The following CLSTN2 variants were observed in gnomAD, a reference collection of about 807,000 sequenced individuals.
CLSTN2 encodes the protein calsyntenin 2, also known as calsyntenin-2.
A neutral mutation model predicts 101.2 loss-of-function variants in CLSTN2; 48 were observed. The observed-to-expected ratio is 0.47, with a 90% CI of 0.38 to 0.60. CLSTN2 has a LOEUF of 0.60. CLSTN2 is among the 20% of genes least tolerant of loss of function. The pLI, the probability that CLSTN2 is intolerant of heterozygous loss-of-function variation, is 0.00. For synonymous variants in CLSTN2, 481 were observed against 463.6 expected, an observed-to-expected ratio of 1.04 and a Z score of -0.48; for missense variants, 1,160 against 1,238.2, an observed-to-expected ratio of 0.94 and a Z score of 0.95.
intron 1 of CLSTN2, among the ~76,000 whole-genome samples, chr3:140,105,253 C>T: frequency 6.6e-6 from 1 of 152,128 alleles, no homozygotes; most frequent in East Asian, 1.9e-4. Flanking sequence ...ATTCATATGC[C>T]TGTTTATAAC....
At chr3:140,353,901 A>T (rs896245429) in intron 2 of CLSTN2, among the ~76,000 whole-genome samples, 1 of 152,190 alleles carries the variant, frequency 6.6e-6, no homozygotes, top group African/African-American at 2.4e-5. Flanking sequence ...CAGAGGGACA[A>T]CGCCAAAATG....
chr3:140,371,101 G>T (rs2087851095), intron 2 of CLSTN2, among the ~76,000 whole-genome samples: 1 of 152,186 alleles, frequency 6.6e-6, no homozygotes, highest in Non-Finnish European at 1.5e-5. Flanking sequence ...CTCACTTCCA[G>T]AGGCAATGTG....
In CLSTN2 at chr3:140,127,219, T is replaced by A. The variant is rs145589929; in HGVS notation, c.110-48732T>A. Among the ~76,000 whole-genome samples the A allele has an allele frequency of 3.2e-3, 494 of 152,140 alleles. 2 individuals are homozygous for A. Among genetic ancestry groups the A allele is most frequent in the Non-Finnish European group, 3.6e-3 (246 of 68,002 alleles). ...ATCTGTGTTACTGACAGGCTGCAGA[T>A]CCCAGGTCCACTATTTATTAGGCAT... On this transcript the variant is annotated intron_variant, in intron 1 of 16. Coordinates refer to ENST00000458420, the MANE Select transcript of CLSTN2 (RefSeq NM_022131.3).
At chr3:140,127,142 A>G (rs1278820456) in intron 1 of CLSTN2, among the ~76,000 whole-genome samples, 1 of 152,102 alleles carries the variant, frequency 6.6e-6, no homozygotes, top group Non-Finnish European at 1.5e-5. Context: ...TTTTAGGGCC[A>G]GTCAGCTGAA....
chr3:140,240,380 A>G (rs1166119997), intron 2 of CLSTN2, among the ~76,000 whole-genome samples: 1 of 150,516 alleles, frequency 6.6e-6, no homozygotes, highest in African/African-American at 2.4e-5. Flanking sequence ...ACATGAACAA[A>G]AAAAAAAGTC....
chr3:139,998,328 C>T (rs1198738326), intron 1 of CLSTN2, among the ~76,000 whole-genome samples: 1 of 92,792 alleles, frequency 1.1e-5, no homozygotes, highest in Non-Finnish European at 2.0e-5. Context: ...AATAGTTCCC[C>T]CACATGCCTT....
chr3:140,146,927 T>TCAGC (rs377711928), intron 1 of CLSTN2, among the ~76,000 whole-genome samples: 48 of 152,374 alleles, frequency 3.2e-4, no homozygotes, highest in African/African-American at 1.1e-3. Context: ...TAGTATCTAT[T>TCAGC]CAGCACTAAG....
chr3:140,304,298 A>T (rs2087090009), intron 2 of CLSTN2, among the ~76,000 whole-genome samples: 1 of 152,188 alleles, frequency 6.6e-6, no homozygotes, highest in Non-Finnish European at 1.5e-5. Context: ...TTTGCGTCTT[A>T]GTTGGACAGC....
At chr3:140,140,186 A>T (rs908730854) in intron 1 of CLSTN2, among the ~76,000 whole-genome samples, 1 of 152,192 alleles carries the variant, frequency 6.6e-6, no homozygotes, top group African/African-American at 2.4e-5. Flanking sequence ...ACCTCTGTCT[A>T]GGCAGCCTAC....
At chr3:139,993,610 C>A (rs182721468) in intron 1 of CLSTN2, among the ~76,000 whole-genome samples, 1 of 152,178 alleles carries the variant, frequency 6.6e-6, no homozygotes, top group African/African-American at 2.4e-5. Context: ...CTCCATGCCC[C>A]ACCCTGCCAA....
intron 8 of CLSTN2, among the ~76,000 whole-genome samples, chr3:140,499,494 G>A (rs1203352682): frequency 6.6e-6 from 1 of 152,084 alleles, no homozygotes; most frequent in Middle Eastern, 3.2e-3. Flanking sequence ...TCTTTTTCTG[G>A]GCTGAGAATT....
chr3:140,436,176 A>G (rs2088685707), intron 5 of CLSTN2, among the ~76,000 whole-genome samples: 1 of 151,990 alleles, frequency 6.6e-6, no homozygotes. Context: ...TGTCCTAGAG[A>G]TTTTTCCCAA....
At chr3:140,356,223 G>A (rs781712976) in intron 2 of CLSTN2, among the ~76,000 whole-genome samples, 1 of 152,166 alleles carries the variant, frequency 6.6e-6, no homozygotes, top group South Asian at 2.1e-4. Flanking sequence ...AAAAGAAGAT[G>A]AGAATAGAAA....
intron 5 of CLSTN2, among the ~76,000 whole-genome samples, chr3:140,422,935 C>G (rs1294423212): frequency 1.3e-5 from 2 of 152,146 alleles, no homozygotes; most frequent in Non-Finnish European, 2.9e-5. Flanking sequence ...AAGAACTCAC[C>G]TTGTTTTGTT....
chr3:140,519,362 G>A (rs1934981826), intron 8 of CLSTN2, among the ~76,000 whole-genome samples: 3 of 152,156 alleles, frequency 2.0e-5, no homozygotes. Flanking sequence ...TGGGGTTCAG[G>A]TCCTGAATAT....
chr3:140,151,346 C>A lies in CLSTN2; in HGVS notation c.110-24605C>A, dbSNP rs1576446794. ...ACCTCTGGGAATAGTGGGAGAGAAGCTCTGAGCTAAAGGAAGGGGTGAAGA... is the reference window on the plus strand; with the variant it reads ...ACCTCTGGGAATAGTGGGAGAGAAGATCTGAGCTAAAGGAAGGGGTGAAGA... On this transcript the variant is annotated intron_variant, in intron 1 of 16. Coordinates refer to ENST00000458420, the MANE Select transcript of CLSTN2 (RefSeq NM_022131.3). Among the ~76,000 whole-genome samples, 5 of 152,060 alleles carry A rather than the reference C, an allele frequency of 3.3e-5. 1 individual carries two copies. In the Middle Eastern group the frequency reaches 0.017, roughly 517 times the overall value.
At chr3:140,346,291 A>G (rs1006375359) in intron 2 of CLSTN2, among the ~76,000 whole-genome samples, 2 of 152,246 alleles carry the variant, frequency 1.3e-5, no homozygotes, top group African/African-American at 4.8e-5. Context: ...CTTGCATATA[A>G]TAGCCCAAAC....
chr3:140,095,384 T>A (rs2008853389), intron 1 of CLSTN2, among the ~76,000 whole-genome samples: 1 of 152,214 alleles, frequency 6.6e-6, no homozygotes, highest in East Asian at 1.9e-4. Context: ...TTAACCATAT[T>A]CTTTGATGCC....
intron 2 of CLSTN2, among the ~76,000 whole-genome samples, chr3:140,223,013 G>A (rs373606281): frequency 6.6e-6 from 1 of 152,100 alleles, no homozygotes; most frequent in East Asian, 1.9e-4. Context: ...GAAACCCAGA[G>A]ATACAACACT....
Sources: allele counts gnomAD v4.1 joint callset (sites outside exome capture counted in the v4.1 genomes callset), GRCh38; gene constraint gnomAD v4.1.1; transcripts MANE v1.5; gene names NCBI Gene and HGNC (gene_info 2026-07-23, HGNC 2026-07-21).